The following PER3 variants were observed in gnomAD, a reference collection of about 807,000 sequenced individuals.
PER3 encodes period circadian regulator 3.
In PER3, 107 loss-of-function variants were observed where a neutral mutation model predicts 127.2. That is an observed-to-expected ratio of 0.84 (90% confidence interval 0.72 to 0.99). The LOEUF (loss-of-function observed/expected upper bound fraction) is 0.99. PER3 is among the 50% of genes least tolerant of loss of function. The pLI, the probability that PER3 is intolerant of heterozygous loss-of-function variation, is 0.00. For missense variants in PER3, 1,560 were observed against 1,525.8 expected (o/e 1.02, Z -0.37); for synonymous variants, 618 against 585.8 (o/e 1.05, Z -0.79).
chr1:7,826,304 A>G lies in PER3; in HGVS notation c.1958-176A>G, dbSNP rs2097301216. ...TGTAAAATGTATGTGCATTTGTGCA[A>G]AGAATATAAAGGAAGACAGAAAATG... is the stretch of plus-strand genomic sequence containing the variant. On this transcript the variant is annotated intron_variant, in intron 16 of 21. Transcript: ENST00000377532. This position sits in a 1 kb window ranked among gnomAD's most constrained non-coding sequence, Gnocchi z 4.2. 6.6e-6 allele frequency among the ~76,000 whole-genome samples: 1 copy of G among 152,212 alleles called. No homozygotes were observed. Among genetic ancestry groups the G allele is most frequent in the Non-Finnish European group, 1.5e-5 (1 of 68,032 alleles).
In PER3 at chr1:7,819,416, A is replaced by G; in HGVS notation, c.1654A>G (p.Ile552Val). The G allele has an allele frequency of 6.2e-7, 1 of 1,614,038 alleles. No individual in the cohort carries two copies. The highest frequency in any genetic ancestry group is 8.5e-7 in the Non-Finnish European group (1 of 1,179,902). The change falls in exon 14 of 22, where the codon ATC becomes GTC. Residue 552 changes from isoleucine to valine, a missense_variant. Physicochemically the swap from Ile to Val is conservative, Grantham distance 29 (BLOSUM62 3). Coordinates refer to ENST00000377532, the MANE Select transcript of PER3 (RefSeq NM_001377275.1). Reference sequence around the variant, plus strand: ...ACAGATCAACTGTATCGACAGTGTCATCAGGTATGAGACCGCAAGTTTGGA... The same window carrying G: ...ACAGATCAACTGTATCGACAGTGTCGTCAGGTATGAGACCGCAAGTTTGGA... ...YQQINCIDSV[I>V]RYLKSYNIPA...
chr1:7,787,845 G>T, intron 4 of PER3, 200 bp from the exon 5 acceptor site: 1 of 591,020 alleles, frequency 1.7e-6, no homozygotes, highest in East Asian at 2.8e-5. Context: ...TGAACCTTCA[G>T]TAGGTGAAGT....
rs763894818 is a variant in PER3, at chr1:7,793,990, C to T, written c.626C>T (p.Pro209Leu). 1 of 1,613,574 alleles carries T rather than the reference C, an allele frequency of 6.2e-7. No individual in the cohort carries two copies. The highest frequency in any genetic ancestry group is 1.3e-5 in the African/African-American group (1 of 74,854). The stretch of plus-strand genomic sequence containing the variant: ...CGGTATGAATGTGCTCCGGTGAAAC[C>T]TTTTTTCTGCAGGATCCGGTAAGTA... ...AARYECAPVK[P>L]FFCRIRGGED... The change falls in exon 6 of 22, where the codon CCT (proline) becomes CTT (leucine). Residue 209 changes from proline to leucine, a missense_variant. Physicochemically the swap from Pro to Leu is moderately conservative, Grantham distance 98. Transcript: ENST00000377532.
At chr1:7,799,235 T>C (rs2097159307) in intron 7 of PER3, among the ~76,000 whole-genome samples, 1 of 152,216 alleles carries the variant, frequency 6.6e-6, no homozygotes, top group Middle Eastern at 3.4e-3. Context: ...CCACAGGGCT[T>C]ATGGGAAAAA....
At chr1:7,796,878 A>T (rs975978539) in intron 6 of PER3, among the ~76,000 whole-genome samples, 1 of 152,184 alleles carries the variant, frequency 6.6e-6, no homozygotes, top group Non-Finnish European at 1.5e-5. Context: ...ATTTGGAGTG[A>T]GTGTGAAGTA....
rs1337554252 is a variant in PER3 at position 7,794,912 on chromosome 1, TATA to T, written c.644+911_644+913del. On this transcript the variant is annotated intron_variant, in intron 6 of 21. Coordinates refer to ENST00000377532, the MANE Select transcript of PER3 (RefSeq NM_001377275.1). Reference sequence around the variant, plus strand: ...GTTATATATTATGTATATAAGATGATATAATAATATGTTCTTTTGTAATAAGAA... The same window carrying T: ...GTTATATATTATGTATATAAGATGATATAATATGTTCTTTTGTAATAAGAA... 9.2e-5 allele frequency among the ~76,000 whole-genome samples: 14 copies of T among 151,494 alleles called. 1 individual carries two copies. Among genetic ancestry groups the T allele is most frequent in the African/African-American group, 2.2e-4 (9 of 41,340 alleles).
chr1:7,836,797 C>A, intron 20 of PER3: 1 of 455,968 alleles, frequency 2.2e-6, no homozygotes, highest in South Asian at 4.3e-5. Flanking sequence ...CTCATTAAAA[C>A]ATCATATAGA....
intron 5 of PER3, among the ~76,000 whole-genome samples, chr1:7,793,317 A>G (rs766244740): frequency 3.9e-5 from 6 of 152,244 alleles, no homozygotes; most frequent in Non-Finnish European, 5.9e-5. Context: ...TTATCACCTC[A>G]TAAATCAATA....
intron 7 of PER3, 152 bp from the exon 8 acceptor site, chr1:7,800,961 G>T: frequency 1.7e-6 from 1 of 602,134 alleles, no homozygotes; most frequent in Non-Finnish European, 3.0e-6. Context: ...TCATTTAACT[G>T]TAGCTTTGGC....
At chr1:7,811,269 T>G (rs937496691) in intron 13 of PER3, among the ~76,000 whole-genome samples, 1 of 152,226 alleles carries the variant, frequency 6.6e-6, no homozygotes, top group Non-Finnish European at 1.5e-5. Flanking sequence ...GTTATTAACC[T>G]CTATCATTGT....
intron 13 of PER3, among the ~76,000 whole-genome samples, chr1:7,814,904 G>A (rs2097240111): frequency 2.0e-5 from 3 of 152,080 alleles, no homozygotes. Context: ...GGAAACTTTA[G>A]GAAAACAATT....
At chr1:7,832,512 T>C (rs2097336568) in intron 19 of PER3, among the ~76,000 whole-genome samples, 1 of 151,784 alleles carries the variant, frequency 6.6e-6, no homozygotes, top group Non-Finnish European at 1.5e-5. Context: ...TAGCTGGGAT[T>C]ACGGGTGCCC....
At chr1:7,806,804 A>ATATATATAT (rs1329301349) in intron 10 of PER3, among the ~76,000 whole-genome samples, 1 of 60,664 alleles carries the variant, frequency 1.6e-5, no homozygotes, top group African/African-American at 6.1e-5. Context: ...TTAAAAAAAA[A>ATATATATAT]AAAAAAAAAT....
rs750010171 is a variant in PER3 at position 7,784,913 on chromosome 1, G to A, written c.36G>A (p.Arg12=). 6.6e-7 allele frequency: 1 copy of A among 1,525,898 alleles called. No homozygotes were observed. Among genetic ancestry groups the A allele is most frequent in the African/African-American group, 1.5e-5 (1 of 68,450 alleles). 94.5% of individuals were successfully genotyped at this position (1,525,898 alleles called of 1,614,324 possible). Residue 12 remains arginine, a synonymous_variant, in exon 2 of 22, where the codon CGG becomes CGA. Transcript: ENST00000377532. ...PRGEAPGPGR[R]GAKDEALGEE... ...GGGAAGCTCCTGGCCCCGGGAGACG[G>A]GGGGCTAAGGACGAGGCCCTGGGCG...
intron 7 of PER3, 28 bp from the exon 8 acceptor site, chr1:7,801,084 TA>T: frequency 7.3e-7 from 1 of 1,375,578 alleles, no homozygotes; most frequent in Non-Finnish European, 1.0e-6. Context: ...TATTTGCCTT[TA>T]AATGGGTCTT....
rs1186369965 is a variant in PER3, at chr1:7,784,885, G to T, written c.8G>T (p.Arg3Leu). 5 of 1,509,406 alleles carry T rather than the reference G, an allele frequency of 3.3e-6. No homozygotes were observed. The highest frequency in any genetic ancestry group is 5.3e-5 in the East Asian group (2 of 37,880). 93.5% of individuals were successfully genotyped at this position (1,509,406 alleles called of 1,614,324 possible). A position where few individuals can be genotyped will look rare whatever the true frequency, so the allele number is the denominator to read the frequency against. Residue 3 changes from arginine to leucine, a missense_variant, in exon 2 of 22, where the codon CGC becomes CTC. Arg to Leu is a moderately radical substitution (Grantham distance 102). Around this residue, in one of 3 missense-constraint regions of PER3, gnomAD observed 1,332 missense variants for 1,223.6 expected, o/e 1.09. Coordinates refer to ENST00000377532, the MANE Select transcript of PER3 (RefSeq NM_001377275.1). MP[R>L]GEAPGPGRRG... ...CCCCGCGGAGACCTCGAGATGCCCC[G>T]CGGGGAAGCTCCTGGCCCCGGGAGA...
chr1:7,808,232 CAAAAAAAAAAAAAA>C (rs60220289), intron 10 of PER3, among the ~76,000 whole-genome samples: 4 of 97,724 alleles, frequency 4.1e-5, no homozygotes, highest in Admixed American at 1.4e-4. Flanking sequence ...GACTCTGTCT[CAAAAAAAAAAAAAA>C]AAAAAAAAAA....
Position 7,820,150 on chromosome 1 carries a change from GAA to G in PER3, c.1696_1697del (p.Lys566ValfsTer23). The G allele has an allele frequency of 6.2e-7, 1 of 1,613,554 alleles. No individual in the cohort carries two copies. The highest frequency in any genetic ancestry group is 8.5e-7 in the Non-Finnish European group (1 of 1,179,534). On this transcript the variant is annotated frameshift_variant, in exon 15 of 22. Transcript: ENST00000377532. LOFTEE classifies it high-confidence loss of function. ...AGCTACAACATTCCAGCTTTGAAAA[GAA>G]AGTGTATCTCCTGTACAAATACAAC...
intron 19 of PER3, among the ~76,000 whole-genome samples, chr1:7,834,392 A>G (rs1558478955): frequency 1.3e-5 from 2 of 152,142 alleles, no homozygotes; most frequent in South Asian, 2.1e-4. Flanking sequence ...CCACAATAAC[A>G]TTGTTATTAT....
Sources: gnomAD v4.1 joint callset for allele counts (sites outside exome capture counted in the v4.1 genomes callset) on GRCh38, gnomAD v4.1.1 for gene constraint, gnomAD v4.1.1 regional missense constraint, Gnocchi (gnomAD v3.1) non-coding constraint, MANE v1.5 for transcripts, NCBI Gene and HGNC (gene_info 2026-07-23, HGNC 2026-07-21) for gene names.